The following SOBP variants were observed in gnomAD, a reference collection of about 807,000 sequenced individuals.
The protein encoded by SOBP is sine oculis-binding protein homolog.
Under a neutral mutation model 53.6 loss-of-function variants are expected in SOBP, and 4 were observed. The ratio of observed to expected loss-of-function variants is 0.07; its 90% CI spans 0.04 to 0.17. SOBP has a LOEUF of 0.17. Among genes scored for constraint, SOBP ranks in the 10% least tolerant of loss-of-function variants. The pLI, the probability that SOBP is intolerant of heterozygous loss-of-function variation, is 1.00. For synonymous variants in SOBP, 584 were observed against 522.6 expected (o/e 1.12, Z -1.60); for missense variants, 1,088 against 1,204.7 (o/e 0.90, Z 1.43).
intron 3 of SOBP, among the ~76,000 whole-genome samples, 160 bp from the exon 4 acceptor site, chr6:107,533,295 AAGAG>A (rs1311435367): frequency 1.2e-4 from 17 of 146,382 alleles, no homozygotes; most frequent in East Asian, 2.4e-4. Flanking sequence ...AAAAAAAAAA[AAGAG>A]AGAGAGAAAG....
At chr6:107,495,034 G>A (rs537817279) in intron 1 of SOBP, among the ~76,000 whole-genome samples, 1 of 152,286 alleles carries the variant, frequency 6.6e-6, no homozygotes, top group Admixed American at 6.5e-5. Context: ...ATTAAAACAG[G>A]TATATTTTAA....
intron 5 of SOBP, among the ~76,000 whole-genome samples, chr6:107,587,828 ATT>A (rs1785615979): frequency 6.6e-6 from 1 of 152,164 alleles, no homozygotes; most frequent in Admixed American, 6.5e-5. Context: ...AGGAATGCCT[ATT>A]ATATTTCTAT....
intron 6 of SOBP, among the ~76,000 whole-genome samples, chr6:107,650,267 GCTAAGATGAAA>G (rs779255862): frequency 1.3e-5 from 2 of 152,222 alleles, no homozygotes; most frequent in Non-Finnish European, 2.9e-5. Context: ...CTAACACTGA[GCTAAGATGAAA>G]CTCACCCTTG....
intron 6 of SOBP, among the ~76,000 whole-genome samples, chr6:107,657,641 G>A (rs934578178): frequency 3.9e-5 from 6 of 152,166 alleles, no homozygotes; most frequent in African/African-American, 1.4e-4. Context: ...AGGGTCCTCC[G>A]TGACCTTGCC....
chr6:107,611,805 G>A (rs1403722079), intron 5 of SOBP, among the ~76,000 whole-genome samples: 6 of 152,134 alleles, frequency 3.9e-5, no homozygotes, highest in Non-Finnish European at 8.8e-5. Flanking sequence ...AAATGAGCAG[G>A]AATAAAAATA....
chr6:107,545,456 G>A (rs879596825), intron 4 of SOBP, among the ~76,000 whole-genome samples: 4 of 152,098 alleles, frequency 2.6e-5, no homozygotes, highest in Non-Finnish European at 4.4e-5. Flanking sequence ...ATGGTGTGGC[G>A]GGAAGGAAGG....
chr6:107,555,771 G>A (rs1418263768), intron 4 of SOBP, among the ~76,000 whole-genome samples: 2 of 152,194 alleles, frequency 1.3e-5, no homozygotes, highest in Non-Finnish European at 2.9e-5. Flanking sequence ...GCCACAGATA[G>A]CGCATGACCC....
chr6:107,493,722 C>T (rs1238196232), intron 1 of SOBP, among the ~76,000 whole-genome samples: 2 of 152,208 alleles, frequency 1.3e-5, no homozygotes, highest in Non-Finnish European at 2.9e-5. Context: ...AAACTTGCCT[C>T]ATCACGGAGA....
intron 5 of SOBP, among the ~76,000 whole-genome samples, chr6:107,612,604 G>GTT (rs1194155283): frequency 6.6e-6 from 1 of 152,104 alleles, no homozygotes; most frequent in Non-Finnish European, 1.5e-5. Flanking sequence ...TAATGTTGTA[G>GTT]TTATATATAT....
intron 6 of SOBP, among the ~76,000 whole-genome samples, chr6:107,641,283 A>G (rs1771306299): frequency 6.6e-6 from 1 of 152,244 alleles, no homozygotes; most frequent in African/African-American, 2.4e-5. Flanking sequence ...AGATTGCCTT[A>G]GTGACACAAT....
chr6:107,523,135 A>G (rs1023088345), intron 3 of SOBP, among the ~76,000 whole-genome samples: 1 of 152,182 alleles, frequency 6.6e-6, no homozygotes, highest in African/African-American at 2.4e-5. Flanking sequence ...TATGGATGAT[A>G]ACTGGAGTCA....
At chr6:107,495,756 G>T (rs1782683830) in intron 1 of SOBP, among the ~76,000 whole-genome samples, 1 of 152,120 alleles carries the variant, frequency 6.6e-6, no homozygotes, top group Non-Finnish European at 1.5e-5. Context: ...TCTAGGAAAA[G>T]GTAGTCTCTT....
At chr6:107,647,096 C>A (rs1161601214) in intron 6 of SOBP, among the ~76,000 whole-genome samples, 1 of 152,182 alleles carries the variant, frequency 6.6e-6, no homozygotes, top group Non-Finnish European at 1.5e-5. Flanking sequence ...GGGTCACTTA[C>A]CAGCTGTGAG....
At chr6:107,607,108 T>C (rs928689940) in intron 5 of SOBP, among the ~76,000 whole-genome samples, 5 of 152,170 alleles carry the variant, frequency 3.3e-5, no homozygotes, top group Admixed American at 2.0e-4. Flanking sequence ...TTGATATGGC[T>C]CACATACATT....
intron 5 of SOBP, among the ~76,000 whole-genome samples, chr6:107,604,871 C>G (rs1014322262): frequency 6.6e-6 from 1 of 152,164 alleles, no homozygotes; most frequent in African/African-American, 2.4e-5. Context: ...CAGCAAGTTT[C>G]GCTGAAGATT....
intron 4 of SOBP, among the ~76,000 whole-genome samples, chr6:107,585,313 A>C (rs981607803): frequency 2.0e-5 from 3 of 152,226 alleles, no homozygotes; most frequent in Non-Finnish European, 4.4e-5. Context: ...GTTATGAAGA[A>C]TCTAATATTG....
intron 5 of SOBP, among the ~76,000 whole-genome samples, chr6:107,604,453 T>C (rs1441226250): frequency 3.9e-5 from 6 of 152,218 alleles, no homozygotes; most frequent in African/African-American, 7.2e-5. Context: ...TTCGTTTCAC[T>C]GCTCGTCCTG....
At chr6:107,535,862 A>G (rs1175657799) in intron 4 of SOBP, among the ~76,000 whole-genome samples, 1 of 152,114 alleles carries the variant, frequency 6.6e-6, no homozygotes, top group African/African-American at 2.4e-5. Flanking sequence ...TGCCATTTCT[A>G]AGAACTGCTT....
intron 5 of SOBP, among the ~76,000 whole-genome samples, chr6:107,589,989 G>A (rs562545325): frequency 3.9e-5 from 6 of 152,182 alleles, no homozygotes; most frequent in Non-Finnish European, 7.4e-5. Context: ...CCTGGAAAAG[G>A]GAACATTTAG....
Sources: allele counts gnomAD v4.1 joint callset (sites outside exome capture counted in the v4.1 genomes callset), GRCh38; gene constraint gnomAD v4.1.1; transcripts MANE v1.5; gene names NCBI Gene and HGNC (gene_info 2026-07-23, HGNC 2026-07-21).